MTUS2: variants seen among roughly 807,000 people sequenced by gnomAD.
MTUS2 encodes the protein microtubule associated scaffold protein 2.
MTUS2 carries 40 observed loss-of-function variants against 114.1 expected under a neutral mutation model. That is an observed-to-expected ratio of 0.35 (90% CI 0.27 to 0.46). The LOEUF is 0.46. Among genes scored for constraint, MTUS2 ranks in the 20% least tolerant of loss-of-function variants. MTUS2 has a pLI of 1.00. For missense variants in MTUS2, 1,679 were observed against 1,705.4 expected (o/e 0.98, Z 0.27); for synonymous variants, 688 against 672.0 (o/e 1.02, Z -0.37).
At chr13:29,207,668 C>T (rs916836876) in intron 5 of MTUS2, among the ~76,000 whole-genome samples, 1 of 152,086 alleles carries the variant, frequency 6.6e-6, no homozygotes, top group African/African-American at 2.4e-5. Flanking sequence ...TTTTCTGTGT[C>T]TATTGAGATG....
intron 8 of MTUS2, among the ~76,000 whole-genome samples, chr13:29,376,775 G>C (rs577475538): frequency 2.2e-4 from 33 of 152,084 alleles, no homozygotes; most frequent in Non-Finnish European, 4.7e-4. Flanking sequence ...TCAGAAAAAG[G>C]TTGCCAACGT....
intron 8 of MTUS2, among the ~76,000 whole-genome samples, chr13:29,372,800 C>A (rs1240534971): frequency 6.6e-6 from 1 of 152,154 alleles, no homozygotes; most frequent in Non-Finnish European, 1.5e-5. Flanking sequence ...AGACCCAACA[C>A]ACAAACTAAG....
intron 5 of MTUS2, among the ~76,000 whole-genome samples, chr13:29,208,020 T>G (rs1004542951): frequency 1.3e-5 from 2 of 152,180 alleles, no homozygotes; most frequent in Admixed American, 1.3e-4. Flanking sequence ...CTTCTTTGAA[T>G]TTCTCATAGA....
At chr13:29,048,333 G>C (rs947119200) in intron 4 of MTUS2, among the ~76,000 whole-genome samples, 6 of 152,144 alleles carry the variant, frequency 3.9e-5, no homozygotes, top group Non-Finnish European at 2.9e-5. Context: ...TCTATCAACT[G>C]TGTCATTTCT....
intron 5 of MTUS2, among the ~76,000 whole-genome samples, chr13:29,235,314 A>C (rs1896495370): frequency 6.6e-6 from 1 of 152,066 alleles, no homozygotes. Context: ...GCTAATCTCG[A>C]TCTCCTGACC....
At chr13:29,024,372 A>C in intron 2 of MTUS2, 85 bp from the exon 3 acceptor site, 1 of 287,300 alleles carries the variant, frequency 3.5e-6, no homozygotes. Flanking sequence ...TATAGAAATG[A>C]CAAATAAATC....
chr13:29,385,483 G>A (rs1422359672), intron 8 of MTUS2, among the ~76,000 whole-genome samples: 1 of 152,188 alleles, frequency 6.6e-6, no homozygotes, highest in Non-Finnish European at 1.5e-5. Context: ...CTTTTCTTAG[G>A]TGTCTTCCTC....
intron 7 of MTUS2, among the ~76,000 whole-genome samples, chr13:29,337,305 T>C (rs771698313): frequency 1.3e-4 from 20 of 152,186 alleles, no homozygotes; most frequent in Non-Finnish European, 2.4e-4. Context: ...TCCTGGTCTG[T>C]GGGTTGTGAA....
intron 2 of MTUS2, among the ~76,000 whole-genome samples, chr13:28,858,870 C>T (rs1328492944): frequency 3.3e-5 from 5 of 152,048 alleles, no homozygotes; most frequent in South Asian, 2.1e-4. Flanking sequence ...GATGAGGAAA[C>T]GGGACACCTA....
chr13:29,260,956 T>C (rs1195622606), intron 5 of MTUS2, among the ~76,000 whole-genome samples: 2 of 152,156 alleles, frequency 1.3e-5, no homozygotes, highest in East Asian at 1.9e-4. Context: ...TAAAGAATTA[T>C]CTGGTCCAAG....
chr13:28,866,105 G>T (rs79165426), intron 2 of MTUS2, among the ~76,000 whole-genome samples: 1 of 152,124 alleles, frequency 6.6e-6, no homozygotes, highest in Non-Finnish European at 1.5e-5. Context: ...CAGGATTTTC[G>T]TGCCTCCCTG....
intron 5 of MTUS2, among the ~76,000 whole-genome samples, chr13:29,170,748 C>T (rs1000146730): frequency 6.6e-6 from 1 of 152,182 alleles, no homozygotes; most frequent in African/African-American, 2.4e-5. Flanking sequence ...TGGAGAAATG[C>T]TACCAACTCC....
chr13:29,203,103 G>A (rs1014470451), intron 5 of MTUS2, among the ~76,000 whole-genome samples: 3 of 152,222 alleles, frequency 2.0e-5, no homozygotes, highest in Non-Finnish European at 4.4e-5. Context: ...TACTGAAGCT[G>A]CACCCACAGC....
chr13:29,027,053 G>T (rs916407860), intron 3 of MTUS2, 150 bp downstream of exon 3: 2 of 859,348 alleles, frequency 2.3e-6, no homozygotes, highest in Admixed American at 3.2e-5. Context: ...TTTTTGACTA[G>T]AGGAGATTGT....
At chr13:29,478,027 A>G (rs111543731) in intron 9 of MTUS2, among the ~76,000 whole-genome samples, 2,274 of 152,352 alleles carry the variant, frequency 0.015, 45 homozygotes, top group African/African-American at 0.052. Context: ...GCTCAATGGG[A>G]TAAGAAGAAA....
rs191089930 is a variant in MTUS2, at chr13:29,389,175, A to C, written c.3117+29702A>C. 4.8e-3 allele frequency among the ~76,000 whole-genome samples: 729 copies of C among 150,346 alleles called. 30 individuals are homozygous for C. Among genetic ancestry groups the C allele is most frequent in the African/African-American group, 0.017 (680 of 41,118 alleles). On this transcript the variant is annotated intron_variant, in intron 8 of 15. Transcript: ENST00000612955. ...AGAAACCAAAGATTGTTTTGACTAT[A>C]TATATATCTATATATCTATATAGAT...
chr13:29,145,126 A>G (rs1054592301), intron 5 of MTUS2, among the ~76,000 whole-genome samples: 1 of 152,374 alleles, frequency 6.6e-6, no homozygotes, highest in African/African-American at 2.4e-5. Flanking sequence ...CAAAGTTCAC[A>G]TATACTAGCA....
rs142854698 is a variant in MTUS2 at position 29,391,954 on chromosome 13, G to A, written c.3117+32481G>A. ...ATTTGAGACCAGCCTGGCCAACATG[G>A]TGAAACCTGTCTCTACTAAAAAAAA... is the stretch of plus-strand genomic sequence containing the variant. On this transcript the variant is annotated intron_variant, in intron 8 of 15. Coordinates refer to ENST00000612955, the MANE Select transcript of MTUS2 (RefSeq NM_001033602.4). 6.7e-4 allele frequency among the ~76,000 whole-genome samples: 102 copies of A among 151,764 alleles called. 2 individuals carry two copies. In the East Asian group the frequency reaches 0.017, roughly 26 times the overall value.
chr13:29,037,007 A>G (rs910780305), intron 4 of MTUS2, among the ~76,000 whole-genome samples: 2 of 152,158 alleles, frequency 1.3e-5, no homozygotes, highest in African/African-American at 4.8e-5. Flanking sequence ...TACCCCGTTT[A>G]CATATAAGGT....
Sources: gnomAD v4.1 joint callset for allele counts (sites outside exome capture counted in the v4.1 genomes callset) on GRCh38, gnomAD v4.1.1 for gene constraint, MANE v1.5 for transcripts, NCBI Gene and HGNC (gene_info 2026-07-23, HGNC 2026-07-21) for gene names.